The following CBFB variants were observed in gnomAD, a reference collection of about 807,000 sequenced individuals.
CBFB encodes core-binding factor subunit beta, also known as CBF-beta.
Under a neutral mutation model 30.4 loss-of-function variants are expected in CBFB, and 9 were observed. The ratio of observed to expected loss-of-function variants is 0.30; its 90% confidence interval spans 0.18 to 0.52. The LOEUF is 0.52. Among genes scored for constraint, CBFB ranks in the 20% least tolerant of loss-of-function variants. CBFB has a pLI of 0.97. For synonymous variants in CBFB, 94 were observed against 84.0 expected (o/e 1.12, Z -0.65); for missense variants, 170 against 244.0 (o/e 0.70, Z 2.02).
intron 3 of CBFB, among the ~76,000 whole-genome samples, chr16:67,057,666 T>C (rs1047958672): frequency 6.6e-6 from 1 of 152,166 alleles, no homozygotes; most frequent in Non-Finnish European, 1.5e-5. Context: ...GTTAGTGAAC[T>C]TTTTTTCATA....
At chr16:67,052,316 T>C (rs1194153804) in intron 3 of CBFB, among the ~76,000 whole-genome samples, 1 of 152,230 alleles carries the variant, frequency 6.6e-6, no homozygotes, top group East Asian at 1.9e-4. Context: ...ATGCCTGTAA[T>C]CCTAGCACTT....
chr16:67,085,673 CTTTTT>C (rs764788080), intron 5 of CBFB, among the ~76,000 whole-genome samples: 1 of 115,440 alleles, frequency 8.7e-6, no homozygotes, highest in Admixed American at 8.8e-5. Context: ...AATTTAGTAT[CTTTTT>C]TTTTTTTTTT....
chr16:67,045,331 C>G (rs376556654), intron 3 of CBFB, among the ~76,000 whole-genome samples: 1 of 151,916 alleles, frequency 6.6e-6, no homozygotes, highest in Admixed American at 6.6e-5. Flanking sequence ...GACTGGCCAA[C>G]GTGATGAAAC....
At chr16:67,083,227 GC>G (rs1399325557) in intron 5 of CBFB, among the ~76,000 whole-genome samples, 2 of 151,706 alleles carry the variant, frequency 1.3e-5, no homozygotes, top group Admixed American at 6.6e-5. Context: ...AGCTACCCCA[GC>G]AGCCCCTTCC....
chr16:67,063,016 T>C (rs1960954649), intron 3 of CBFB, among the ~76,000 whole-genome samples: 1 of 152,142 alleles, frequency 6.6e-6, no homozygotes, highest in South Asian at 2.1e-4. Context: ...CCTGTTAGCC[T>C]TCTAACAGGG....
At chr16:67,038,271 T>C (rs960794860) in intron 3 of CBFB, among the ~76,000 whole-genome samples, 3 of 150,902 alleles carry the variant, frequency 2.0e-5, no homozygotes, top group African/African-American at 7.4e-5. Flanking sequence ...AAATATTTAA[T>C]TTAATCTTGT....
chr16:67,045,003 A>T (rs965777464), intron 3 of CBFB, among the ~76,000 whole-genome samples: 12 of 152,176 alleles, frequency 7.9e-5, no homozygotes, highest in Non-Finnish European at 1.5e-4. Flanking sequence ...AGTTTAGTGT[A>T]TTGAAATCTG....
At chr16:67,092,698 C>CTTTTTTTTTTTTTTTTTTTTTTTTTTTTT (rs777213321) in intron 5 of CBFB, among the ~76,000 whole-genome samples, 1 of 33,528 alleles carries the variant, frequency 3.0e-5, no homozygotes, top group African/African-American at 1.1e-4. Context: ...GTGGTGCAAT[C>CTTTTTTTTTTTTTTTTTTTTTTTTTTTTT]TTTTTTTTTT....
chr16:67,049,822 G>A (rs1458723887), intron 3 of CBFB, among the ~76,000 whole-genome samples: 2 of 152,066 alleles, frequency 1.3e-5, no homozygotes, highest in African/African-American at 4.8e-5. Context: ...CGGACACTGT[G>A]CTAGATGGTT....
At chr16:67,064,235 C>T (rs183998100) in intron 3 of CBFB, among the ~76,000 whole-genome samples, 3 of 152,290 alleles carry the variant, frequency 2.0e-5, no homozygotes, top group Admixed American at 6.5e-5. Context: ...GAGACAGAGT[C>T]TAGCTTTGTC....
rs1162307047 is a variant in CBFB at position 67,092,696 on chromosome 16, A to ATTTTTTTT, written c.496-6013_496-6012insTTTTTTTT. 2.3e-3 allele frequency among the ~76,000 whole-genome samples: 222 copies of ATTTTTTTT among 94,620 alleles called. 5 individuals are homozygous for ATTTTTTTT. Among genetic ancestry groups the ATTTTTTTT allele is most frequent in the African/African-American group, 4.3e-3 (90 of 21,160 alleles). 62.1% of individuals were successfully genotyped at this position (94,620 alleles called of 152,430 possible). ...ACCCAGGCTAGGTTACAGTGGTGCA[A>ATTTTTTTT]TCTTTTTTTTTTTTTTTTTTTTTTT... On this transcript the variant is annotated intron_variant, in intron 5 of 5. Transcript: ENST00000412916.
intron 3 of CBFB, among the ~76,000 whole-genome samples, chr16:67,064,732 A>G (rs946668064): frequency 4.6e-5 from 7 of 152,210 alleles, no homozygotes; most frequent in Admixed American, 4.6e-4. Flanking sequence ...AAATGATCTA[A>G]ATTTGGGTAT....
At chr16:67,045,921 A>G (rs1220427203) in intron 3 of CBFB, among the ~76,000 whole-genome samples, 1 of 150,398 alleles carries the variant, frequency 6.6e-6, no homozygotes, top group East Asian at 2.0e-4. Context: ...TCAGCCTCCC[A>G]AGTAGCTGGG....
chr16:67,029,527 C>A, intron 1 of CBFB, 42 bp downstream of exon 1: 2 of 1,543,416 alleles, frequency 1.3e-6, no homozygotes, highest in South Asian at 1.2e-5. Context: ...GCAGCGCGCC[C>A]CGAGTGGGCC....
chr16:67,096,243 G>A (rs1375360606), intron 5 of CBFB, among the ~76,000 whole-genome samples: 1 of 151,908 alleles, frequency 6.6e-6, no homozygotes, highest in Non-Finnish European at 1.5e-5. Context: ...CCTGGGAGGC[G>A]GAGGTTGCAG....
chr16:67,050,884 TGCCA>T, intron 3 of CBFB, among the ~76,000 whole-genome samples: 1 of 152,196 alleles, frequency 6.6e-6, no homozygotes, highest in South Asian at 2.1e-4. Flanking sequence ...ACATAAGCAC[TGCCA>T]TACTGCAGCA....
At chr16:67,033,322 G>T (rs994172873) in intron 2 of CBFB, among the ~76,000 whole-genome samples, 7 of 152,142 alleles carry the variant, frequency 4.6e-5, no homozygotes, top group African/African-American at 7.2e-5. Context: ...AACACAGGTC[G>T]AAGAATCTGT....
intron 3 of CBFB, among the ~76,000 whole-genome samples, chr16:67,042,904 T>TTTTGTACTTTTAGTACAAAA (rs1190806133): frequency 2.0e-5 from 3 of 151,990 alleles, no homozygotes; most frequent in Non-Finnish European, 2.9e-5. Context: ...TGTGGCTAAT[T>TTTTGTACTTTTAGTACAAAA]TTTGTACTTT....
At chr16:67,042,215 C>T (rs932379911) in intron 3 of CBFB, among the ~76,000 whole-genome samples, 6 of 152,158 alleles carry the variant, frequency 3.9e-5, no homozygotes, top group East Asian at 1.9e-4. Context: ...TGAGCCACCA[C>T]GCCCAGGCTT....
Sources: allele counts gnomAD v4.1 joint callset (sites outside exome capture counted in the v4.1 genomes callset), GRCh38; gene constraint gnomAD v4.1.1; transcripts MANE v1.5; gene names NCBI Gene and HGNC (gene_info 2026-07-23, HGNC 2026-07-21).